Variants in FAM20A observed in about 807,000 individuals in gnomAD.
FAM20A encodes FAM20A golgi associated secretory pathway pseudokinase.
Under a neutral mutation model 52.0 loss-of-function variants are expected in FAM20A, and 42 were observed. The observed-to-expected ratio is 0.81, with a 90% CI of 0.63 to 1.04. The LOEUF is 1.04. FAM20A is among the 50% of genes least tolerant of loss of function. The pLI is 0.00. For synonymous variants in FAM20A, 304 were observed against 298.9 expected (o/e 1.02, Z -0.18); for missense variants, 742 against 712.7 (o/e 1.04, Z -0.47).
At chr17:68,579,692 G>C (rs1057018708) in intron 1 of FAM20A, among the ~76,000 whole-genome samples, 1 of 152,124 alleles carries the variant, frequency 6.6e-6, no homozygotes, top group African/African-American at 2.4e-5. Context: ...TAGGGATTCT[G>C]CTCCACACAC....
chr17:68,584,253 G>T (rs897653053), intron 1 of FAM20A, among the ~76,000 whole-genome samples: 3 of 152,080 alleles, frequency 2.0e-5, no homozygotes, highest in African/African-American at 7.2e-5. Context: ...GGAGGTGGAG[G>T]TTGCAGTGAG....
intron 1 of FAM20A, among the ~76,000 whole-genome samples, chr17:68,583,102 G>A (rs892890907): frequency 6.6e-6 from 1 of 151,978 alleles, no homozygotes; most frequent in Non-Finnish European, 1.5e-5. Flanking sequence ...TAAACCCAGA[G>A]TTGCCTGACT....
intron 1 of FAM20A, among the ~76,000 whole-genome samples, chr17:68,579,567 A>G (rs977828111): frequency 4.6e-5 from 7 of 152,200 alleles, no homozygotes; most frequent in African/African-American, 7.2e-5. Flanking sequence ...TCATTTACCT[A>G]TTGAGTGAGA....
At chr17:68,595,985 C>G (rs1405843907) in intron 1 of FAM20A, among the ~76,000 whole-genome samples, 6 of 152,106 alleles carry the variant, frequency 3.9e-5, no homozygotes, top group African/African-American at 1.4e-4. Context: ...TCTTCTCCAC[C>G]CTTCTCCTCT....
intron 1 of FAM20A, among the ~76,000 whole-genome samples, chr17:68,581,356 TTCTTTCTTTCTTTC>T (rs749218322): frequency 3.0e-4 from 34 of 112,838 alleles, no homozygotes; most frequent in Non-Finnish European, 5.3e-4. Context: ...CAGTTTTTCT[TTCTTTCTTTCTTTC>T]TTTCTTTCTT....
At chr17:68,543,366 C>T (rs1363837585) in intron 5 of FAM20A, among the ~76,000 whole-genome samples, 3 of 152,146 alleles carry the variant, frequency 2.0e-5, no homozygotes, top group Admixed American at 2.0e-4. Flanking sequence ...GAAACTAGAG[C>T]AACTGCCCCA....
At chr17:68,549,426 C>T (rs2086728265) in intron 4 of FAM20A, among the ~76,000 whole-genome samples, 1 of 150,700 alleles carries the variant, frequency 6.6e-6, no homozygotes, top group Non-Finnish European at 1.5e-5. Flanking sequence ...CCTGGGAGGC[C>T]GAGGTTGCAG....
At chr17:68,597,720 G>A (rs2088492508) in intron 1 of FAM20A, among the ~76,000 whole-genome samples, 2 of 152,018 alleles carry the variant, frequency 1.3e-5, no homozygotes, top group Admixed American at 1.3e-4. Flanking sequence ...TTTAAATATT[G>A]GCAGGGCTAC....
intron 3 of FAM20A, among the ~76,000 whole-genome samples, chr17:68,554,119 TAC>T (rs1401461306): frequency 7.3e-6 from 1 of 137,800 alleles, no homozygotes; most frequent in Non-Finnish European, 1.5e-5. Flanking sequence ...CATATATGTA[TAC>T]ACACACATAT....
At chr17:68,540,681 G>GCC in intron 8 of FAM20A, 168 bp downstream of exon 8, 1 of 827,020 alleles carries the variant, frequency 1.2e-6, no homozygotes, top group African/African-American at 1.7e-5. Flanking sequence ...AGAGAGGGGA[G>GCC]CCTGTTACCT....
intron 1 of FAM20A, among the ~76,000 whole-genome samples, chr17:68,568,001 C>A (rs1438747368): frequency 1.3e-5 from 2 of 151,938 alleles, no homozygotes; most frequent in African/African-American, 4.9e-5. Flanking sequence ...AACCTCTTTT[C>A]TTCTACATTA....
chr17:68,564,046 G>C (rs2087301296), intron 1 of FAM20A, among the ~76,000 whole-genome samples: 2 of 152,206 alleles, frequency 1.3e-5, no homozygotes, highest in Admixed American at 1.3e-4. Flanking sequence ...AAGGGATGCA[G>C]AGTCTGTGTC....
chr17:68,547,887 T>G (rs558261334), intron 4 of FAM20A, among the ~76,000 whole-genome samples: 32 of 152,386 alleles, frequency 2.1e-4, no homozygotes, highest in South Asian at 1.2e-3. Context: ...TTTTGGCTTA[T>G]TGGCTTTCAA....
chr17:68,539,035 A>G (rs1487487689), intron 10 of FAM20A, among the ~76,000 whole-genome samples: 1 of 152,254 alleles, frequency 6.6e-6, no homozygotes, highest in Non-Finnish European at 1.5e-5. Context: ...TGTAGGCTAC[A>G]AAACCTTTAC....
chr17:68,556,648 G>C (rs1273964713), intron 1 of FAM20A, among the ~76,000 whole-genome samples: 1 of 152,118 alleles, frequency 6.6e-6, no homozygotes, highest in African/African-American at 2.4e-5. Context: ...AGCACTTTGA[G>C]AGGTAGGCAA....
Position 68,539,895 on chromosome 17 carries a change from T to A in FAM20A, c.1291A>T (p.Asn431Tyr). ...GDDGFLIHLD[N>Y]ARGFGRHSHD... ...CGTGGGGAAGCTCACCCTCTGGCGT[T>A]GTCAAGGTGAATAAGGAACCCATCA... Residue 431 changes from asparagine (N) to tyrosine (Y), a missense_variant, in exon 9 of 11, where the codon AAC becomes TAC. Asn to Tyr is a moderately radical substitution (Grantham distance 143, BLOSUM62 -2). Coordinates refer to ENST00000592554, the MANE Select transcript of FAM20A (RefSeq NM_017565.4). The A allele has an allele frequency of 4.3e-6, 7 of 1,614,164 alleles. No individual in the cohort carries two copies. Among genetic ancestry groups the A allele is most frequent in the Non-Finnish European group, 4.2e-6 (5 of 1,180,008 alleles).
chr17:68,542,803 C>T lies in FAM20A; in HGVS notation c.819G>A (p.Leu273=). The T allele has an allele frequency of 6.2e-7, 1 of 1,612,650 alleles. No individual in the cohort carries two copies. Among genetic ancestry groups the T allele is most frequent in the Non-Finnish European group, 8.5e-7 (1 of 1,178,712 alleles). Residue 273 remains leucine, a synonymous_variant, in exon 6 of 11, where the codon CTG becomes CTA. Coordinates refer to ENST00000592554, the MANE Select transcript of FAM20A (RefSeq NM_017565.4). Reference sequence around the variant, plus strand: ...CTGTTGGCGGCACCCGTCGGAAGTCCAGAATCCTGCAAGAGAGGAAGCTCT... The same window carrying T: ...CTGTTGGCGGCACCCGTCGGAAGTCTAGAATCCTGCAAGAGAGGAAGCTCT... ...EIAAFHLDRI[L]DFRRVPPTVG...
intron 3 of FAM20A, among the ~76,000 whole-genome samples, chr17:68,553,795 T>TGTATAC: frequency 9.6e-6 from 1 of 103,698 alleles, no homozygotes; most frequent in Non-Finnish European, 2.2e-5. Context: ...TGTATACACA[T>TGTATAC]ACATATATAC....
chr17:68,600,192 ACT>A lies in FAM20A; in HGVS notation c.404+69_404+70del. The A allele has an allele frequency of 6.6e-7, 1 of 1,511,656 alleles. No homozygotes were observed. The highest frequency in any genetic ancestry group is 8.9e-7 in the Non-Finnish European group (1 of 1,126,454). 93.6% of individuals were successfully genotyped at this position (1,511,656 alleles called of 1,614,324 possible). On this transcript the variant is annotated intron_variant, in intron 1 of 10. Coordinates refer to ENST00000592554, the MANE Select transcript of FAM20A (RefSeq NM_017565.4). The surrounding 1 kb of genome is among the most constrained non-coding windows in gnomAD (Gnocchi z 6.2). ...AGCCCTGGGCCGGGGGCGTCAGGAA[ACT>A]CGAGACTGGGGCGCGGGGAGGCCCC...
Sources: allele counts gnomAD v4.1 joint callset (sites outside exome capture counted in the v4.1 genomes callset), GRCh38; gene constraint gnomAD v4.1.1; non-coding constraint Gnocchi (gnomAD v3.1); transcripts MANE v1.5; gene names NCBI Gene and HGNC (gene_info 2026-07-23, HGNC 2026-07-21).